The following WNT9B variants were observed in gnomAD, a reference collection of about 807,000 sequenced individuals.
WNT9B encodes the protein Wnt family member 9B, also known as protein Wnt-9b.
WNT9B carries 12 observed loss-of-function variants against 30.2 expected under a neutral mutation model. That is an observed-to-expected ratio of 0.40 (90% confidence interval 0.26 to 0.64). The LOEUF (loss-of-function observed/expected upper bound fraction) is 0.64, where lower values mean the gene tolerates loss of function less well. Among genes scored for constraint, WNT9B ranks in the 30% least tolerant of loss-of-function variants. The pLI is 0.42. For missense variants in WNT9B, 442 were observed against 485.2 expected, an observed-to-expected ratio of 0.91 and a Z score of 0.84; for synonymous variants, 218 against 216.9, an observed-to-expected ratio of 1.01 and a Z score of -0.05.
chr17:46,868,457 G>T (rs1001215955), intron 1 of WNT9B, among the ~76,000 whole-genome samples: 1 of 152,082 alleles, frequency 6.6e-6, no homozygotes, highest in Non-Finnish European at 1.5e-5. Flanking sequence ...ATAGCTGGGC[G>T]TGGTGGCACG....
intron 1 of WNT9B, among the ~76,000 whole-genome samples, chr17:46,845,835 GGCTAGAGT>G (rs1374009730): frequency 7.4e-6 from 1 of 135,550 alleles, no homozygotes; most frequent in African/African-American, 2.9e-5. Flanking sequence ...CTGTCCTCCA[GGCTAGAGT>G]GCAGTGGTGT....
chr17:46,848,869 G>A (rs1174833498), upstream of WNT9B, among the ~76,000 whole-genome samples: 2 of 152,276 alleles, frequency 1.3e-5, no homozygotes, highest in Middle Eastern at 3.4e-3. Flanking sequence ...GATTGTCCCA[G>A]CCTCCCAGAG....
chr17:46,864,607 G>A (rs2085101258), intron 1 of WNT9B, among the ~76,000 whole-genome samples: 1 of 152,162 alleles, frequency 6.6e-6, no homozygotes, highest in South Asian at 2.1e-4. Context: ...GTCCTGACCA[G>A]GTTTCCTTCC....
chr17:46,862,488 G>A (rs1315559581), intron 1 of WNT9B, among the ~76,000 whole-genome samples: 1 of 152,162 alleles, frequency 6.6e-6, no homozygotes, highest in Non-Finnish European at 1.5e-5. Context: ...TGAGTTTCCT[G>A]GAATTTGGAA....
downstream of WNT9B, among the ~76,000 whole-genome samples, chr17:46,880,904 G>T (rs1438311187): frequency 6.6e-6 from 1 of 152,200 alleles, no homozygotes; most frequent in Non-Finnish European, 1.5e-5. Context: ...TCATGCTATG[G>T]CAAGCAGCAT....
At chr17:46,833,583 G>A (rs1156944610) in intron 1 of WNT9B, 6 of 372,204 alleles carry the variant, frequency 1.6e-5, no homozygotes, top group South Asian at 8.0e-5. Flanking sequence ...CCTGCTCAGT[G>A]TGGTGGGCAG....
intron 1 of WNT9B, among the ~76,000 whole-genome samples, chr17:46,862,181 AAAAAGAAAAAG>A (rs2085051804): frequency 6.6e-6 from 1 of 151,172 alleles, no homozygotes; most frequent in South Asian, 2.1e-4. Flanking sequence ...AAAAAAAAAG[AAAAAGAAAAAG>A]AAAAGGGAAA....
chr17:46,843,911 T>C (rs1006109089), intron 1 of WNT9B, among the ~76,000 whole-genome samples: 1 of 152,240 alleles, frequency 6.6e-6, no homozygotes, highest in African/African-American at 2.4e-5. Context: ...CAGATGCTTA[T>C]TCAAAGTATG....
intron 1 of WNT9B, among the ~76,000 whole-genome samples, chr17:46,840,310 T>C (rs1446624725): frequency 6.6e-6 from 1 of 152,034 alleles, no homozygotes; most frequent in East Asian, 1.9e-4. Flanking sequence ...ATGGTCTCGA[T>C]CTCCTGACCT....
chr17:46,854,975 C>A (rs575984416), intron 1 of WNT9B, among the ~76,000 whole-genome samples: 1 of 152,322 alleles, frequency 6.6e-6, no homozygotes, highest in South Asian at 2.1e-4. Context: ...CTTTCTCATA[C>A]AGCCATCTCT....
At chr17:46,883,345 C>T (rs1056926450), downstream of WNT9B, among the ~76,000 whole-genome samples, 1 of 147,118 alleles carries the variant, frequency 6.8e-6, no homozygotes, top group Non-Finnish European at 1.5e-5. Context: ...AGTGCAATGG[C>T]GCAATCTTGG....
intron 1 of WNT9B, among the ~76,000 whole-genome samples, chr17:46,856,614 G>C (rs922192030): frequency 6.6e-6 from 1 of 151,756 alleles, no homozygotes; most frequent in Non-Finnish European, 1.5e-5. Context: ...CTCTCAAGTA[G>C]ATGGGATGAC....
At position 46,872,654 on chromosome 17, in the gene WNT9B, C is replaced by A. The variant is rs751678375; in HGVS notation, c.215C>A (p.Pro72His). The A allele has an allele frequency of 1.9e-6, 3 of 1,613,690 alleles. No homozygotes were observed. Among genetic ancestry groups the A allele is most frequent in the Non-Finnish European group, 2.5e-6 (3 of 1,180,008 alleles). Reference protein sequence around the residue: ...RRQKQLCRREPGLAETLRDAA... With the variant: ...RRQKQLCRREHGLAETLRDAA... Reference sequence around the variant, plus strand: ...CAGAAGCAGCTCTGCCGGAGGGAGCCCGGCCTGGCTGAGACCCTGAGGGAT... The same window carrying A: ...CAGAAGCAGCTCTGCCGGAGGGAGCACGGCCTGGCTGAGACCCTGAGGGAT... Residue 72 changes from proline to histidine, a missense_variant, in exon 2 of 4, where the codon CCC becomes CAC. Pro to His is a moderately conservative substitution (Grantham distance 77). Transcript: ENST00000290015.
chr17:46,854,245 A>T (rs939095302), intron 1 of WNT9B, among the ~76,000 whole-genome samples: 2 of 152,242 alleles, frequency 1.3e-5, no homozygotes, highest in African/African-American at 4.8e-5. Flanking sequence ...CCAGCTTCCC[A>T]TCTGCATTCG....
chr17:46,835,632 T>C (rs1217676673), intron 1 of WNT9B, among the ~76,000 whole-genome samples: 1 of 152,212 alleles, frequency 6.6e-6, no homozygotes, highest in Non-Finnish European at 1.5e-5. Flanking sequence ...CTCATCAGTG[T>C]AGTCATTCCT....
At position 46,851,743 on chromosome 17, in the gene WNT9B, C is replaced by A; in HGVS notation, c.77+28C>A. The stretch of plus-strand genomic sequence containing the variant: ...CAGTGCCCGCCGCGCCCCCCGCCCG[C>A]TCCCCGGCCTGCCTGTCTCTCCCTC... On this transcript the variant is annotated intron_variant, in intron 1 of 3. Transcript: ENST00000290015. This position sits in a 1 kb window ranked among gnomAD's most constrained non-coding sequence, Gnocchi z 4.3. 1 of 1,202,108 alleles carries A rather than the reference C, an allele frequency of 8.3e-7. No individual in the cohort carries two copies. The highest frequency in any genetic ancestry group is 3.1e-5 in the South Asian group (1 of 31,876). 74.5% of individuals were successfully genotyped at this position (1,202,108 alleles called of 1,614,324 possible). A position where few individuals can be genotyped will look rare whatever the true frequency, so the allele number is the denominator to read the frequency against.
intron 1 of WNT9B, among the ~76,000 whole-genome samples, chr17:46,855,849 C>T (rs2084929263): frequency 6.6e-6 from 1 of 152,162 alleles, no homozygotes; most frequent in South Asian, 2.1e-4. Context: ...CAGGCATGTG[C>T]CACCATGCCT....
At chr17:46,858,167 T>G (rs1033963182) in intron 1 of WNT9B, among the ~76,000 whole-genome samples, 5 of 152,218 alleles carry the variant, frequency 3.3e-5, no homozygotes, top group Admixed American at 2.0e-4. Context: ...TGACCTCATG[T>G]GATCCACCCA....
At chr17:46,881,720 G>C (rs1422019795), downstream of WNT9B, among the ~76,000 whole-genome samples, 2 of 152,274 alleles carry the variant, frequency 1.3e-5, no homozygotes, top group Non-Finnish European at 2.9e-5. Context: ...ACAGTCACTA[G>C]GTGGGTACCC....
Sources: allele counts gnomAD v4.1 joint callset (sites outside exome capture counted in the v4.1 genomes callset), GRCh38; gene constraint gnomAD v4.1.1; non-coding constraint Gnocchi (gnomAD v3.1); transcripts MANE v1.5; gene names NCBI Gene and HGNC (gene_info 2026-07-23, HGNC 2026-07-21).